Variants in SND1 observed in about 807,000 individuals in gnomAD.
The protein encoded by SND1 is staphylococcal nuclease and tudor domain containing 1, also known as staphylococcal nuclease domain-containing protein 1.
A neutral mutation model predicts 121.7 loss-of-function variants in SND1; 38 were observed. The ratio of observed to expected loss-of-function variants is 0.31; its 90% CI spans 0.24 to 0.41. The LOEUF is 0.41. Among genes scored for constraint, SND1 ranks in the 10% least tolerant of loss-of-function variants. SND1 has a pLI of 1.00. For missense variants in SND1, 868 were observed against 1,184.6 expected (o/e 0.73, Z 3.92); for synonymous variants, 401 against 447.4 (o/e 0.90, Z 1.31).
At chr7:127,832,991 A>G (rs1798790845) in intron 11 of SND1, among the ~76,000 whole-genome samples, 1 of 152,202 alleles carries the variant, frequency 6.6e-6, no homozygotes, top group Admixed American at 6.5e-5. Flanking sequence ...CCTCCCCACC[A>G]TCCATGTAAA....
Position 127,933,893 on chromosome 7 carries a change from C to T in SND1, c.1669+4564C>T, listed in dbSNP as rs571533640. Among the ~76,000 whole-genome samples, 7 of 152,330 alleles carry T rather than the reference C, an allele frequency of 4.6e-5. No individual in the cohort carries two copies. In the East Asian group the frequency reaches 1.2e-3, roughly 25 times the overall value. ...GAAGGAAGTCTCCTGGCTTTTCCCT[C>T]TGAGACTTTGGAGCAAGGAACTCTG... On this transcript the variant is annotated intron_variant, in intron 15 of 23. Transcript: ENST00000354725.
rs546700427 is a variant in SND1, at chr7:127,652,235, G to A, written c.-139G>A. 1.3e-5 allele frequency: 10 copies of A among 744,836 alleles called. No individual in the cohort carries two copies. Among genetic ancestry groups the A allele is most frequent in the South Asian group, 1.5e-5 (1 of 67,008 alleles). The allele number at this position is 744,836 out of a possible 1,614,324, so 46.1% of individuals were successfully genotyped here. ...CCCGCTGCTGCTCCTGTGAGCGCCC[G>A]GCGAGTCCGTCCCGTCCACCGTCCG... is the stretch of plus-strand genomic sequence containing the variant. On this transcript the variant is annotated 5_prime_UTR_variant, in exon 1 of 24. Transcript: ENST00000354725.
intron 16 of SND1, among the ~76,000 whole-genome samples, chr7:128,026,283 G>A (rs1250223470): frequency 6.6e-6 from 1 of 152,178 alleles, no homozygotes; most frequent in African/African-American, 2.4e-5. Flanking sequence ...GATCTTTGGT[G>A]CCTAGAACTG....
chr7:127,944,707 G>A (rs955069282), intron 15 of SND1, among the ~76,000 whole-genome samples: 1 of 152,202 alleles, frequency 6.6e-6, no homozygotes. Flanking sequence ...ATTGATTACT[G>A]TAGTGCCCTT....
At position 127,686,660 on chromosome 7, in the gene SND1, G is replaced by T; in HGVS notation, c.126G>T (p.Gly42=). The change falls in exon 2 of 24, where the codon GGG becomes GGT. Residue 42 remains glycine, a synonymous_variant. Coordinates refer to ENST00000354725, the MANE Select transcript of SND1 (RefSeq NM_014390.4). ...TTGTCCGAGGTCAGCCTCGTGGTGGGCCTCCTCCTGAGCGGCAGATCAACC... is the reference window on the plus strand; with the variant it reads ...TTGTCCGAGGTCAGCCTCGTGGTGGTCCTCCTCCTGAGCGGCAGATCAACC... The part of the protein sequence containing the change: ...AIIVRGQPRG[G]PPPERQINLS... The T allele has an allele frequency of 6.2e-7, 1 of 1,614,084 alleles. No homozygotes were observed. Among genetic ancestry groups the T allele is most frequent in the South Asian group, 1.1e-5 (1 of 91,082 alleles).
intron 13 of SND1, among the ~76,000 whole-genome samples, chr7:127,890,478 C>T (rs1204590753): frequency 6.6e-6 from 1 of 152,026 alleles, no homozygotes; most frequent in Admixed American, 6.6e-5. Context: ...CATATTCAGC[C>T]CAATCTGATG....
chr7:127,727,925 A>T (rs1421410533), intron 10 of SND1, among the ~76,000 whole-genome samples: 2 of 152,170 alleles, frequency 1.3e-5, no homozygotes, highest in Admixed American at 1.3e-4. Flanking sequence ...TAAGATTAAT[A>T]TCTGGGTACC....
At chr7:128,020,576 A>G (rs917710184) in intron 16 of SND1, among the ~76,000 whole-genome samples, 4 of 152,194 alleles carry the variant, frequency 2.6e-5, no homozygotes, top group African/African-American at 4.8e-5. Context: ...CCCTCTCCAT[A>G]TCCCGGAAGT....
At chr7:127,852,538 A>G (rs551234109) in intron 12 of SND1, among the ~76,000 whole-genome samples, 66 of 144,692 alleles carry the variant, frequency 4.6e-4, no homozygotes, top group Middle Eastern at 4.2e-3. Flanking sequence ...AGCTGGGTGC[A>G]GTGGCTCACG....
At chr7:128,037,517 G>T (rs1037207308) in intron 16 of SND1, among the ~76,000 whole-genome samples, 7 of 152,102 alleles carry the variant, frequency 4.6e-5, no homozygotes, top group African/African-American at 1.7e-4. Flanking sequence ...ATTTTTCTAG[G>T]GGCTCATTCA....
chr7:128,048,458 A>C (rs1792990834), intron 16 of SND1, among the ~76,000 whole-genome samples: 1 of 152,106 alleles, frequency 6.6e-6, no homozygotes, highest in Non-Finnish European at 1.5e-5. Context: ...CTCATGTATG[A>C]CGCCTCAATT....
chr7:128,030,080 G>A (rs1312137085), intron 16 of SND1: 1 of 1,613,664 alleles, frequency 6.2e-7, no homozygotes, highest in South Asian at 1.1e-5. Flanking sequence ...CTCCCTCAGA[G>A]ATATACTCCA....
At chr7:127,733,921 G>A (rs1796726021) in intron 10 of SND1, among the ~76,000 whole-genome samples, 1 of 152,034 alleles carries the variant, frequency 6.6e-6, no homozygotes, top group Non-Finnish European at 1.5e-5. Flanking sequence ...GGCCAGATCA[G>A]TTTTTCTTAA....
intron 10 of SND1, among the ~76,000 whole-genome samples, chr7:127,759,320 T>C (rs919596155): frequency 2.6e-5 from 4 of 152,232 alleles, no homozygotes; most frequent in African/African-American, 9.6e-5. Context: ...TTTATCAATA[T>C]GGACTCTTGG....
chr7:127,845,591 A>G (rs1563033277), intron 12 of SND1, among the ~76,000 whole-genome samples: 1 of 152,212 alleles, frequency 6.6e-6, no homozygotes, highest in Non-Finnish European at 1.5e-5. Flanking sequence ...ATTTGTTACC[A>G]CTTCTTAGGA....
chr7:127,958,960 C>T (rs971234657), intron 15 of SND1, among the ~76,000 whole-genome samples: 1 of 152,102 alleles, frequency 6.6e-6, no homozygotes, highest in Admixed American at 6.5e-5. Flanking sequence ...GATTGCTGCT[C>T]TTATTATGGT....
chr7:128,029,684 T>C lies in SND1; in HGVS notation c.1779+38628T>C. 1.2e-6 allele frequency: 2 copies of C among 1,613,692 alleles called. No homozygotes were observed. The highest frequency in any genetic ancestry group is 2.2e-5 in the South Asian group (2 of 91,068). ...GGCCACAGCAGGTGGAATTGGTGGG[T>C]ATATACTCTCGAAGCCACCAGGCTA... On this transcript the variant is annotated intron_variant, in intron 16 of 23. Coordinates refer to ENST00000354725, the MANE Select transcript of SND1 (RefSeq NM_014390.4). This position sits in a 1 kb window ranked among gnomAD's most constrained non-coding sequence, Gnocchi z 4.2.
intron 16 of SND1, among the ~76,000 whole-genome samples, chr7:128,025,134 G>A (rs1222117051): frequency 6.6e-6 from 1 of 152,216 alleles, no homozygotes; most frequent in Admixed American, 6.5e-5. Flanking sequence ...AGCACATGTG[G>A]AGCCCCTGTA....
At position 127,970,791 on chromosome 7, in the gene SND1, T is replaced by C. The variant is rs536048543; in HGVS notation, c.1670-20156T>C. 1.2e-4 allele frequency among the ~76,000 whole-genome samples: 18 copies of C among 152,224 alleles called. No individual in the cohort carries two copies. In the South Asian group the frequency reaches 3.7e-3, roughly 32 times the overall value. ...GTATATTAAATACATACATCTGCAA[T>C]GCCTTCACCTCAGCTGTTAATAAAA... On this transcript the variant is annotated intron_variant, in intron 15 of 23. Coordinates refer to ENST00000354725, the MANE Select transcript of SND1 (RefSeq NM_014390.4).
Sources: gnomAD v4.1 joint callset for allele counts (sites outside exome capture counted in the v4.1 genomes callset) on GRCh38, gnomAD v4.1.1 for gene constraint, Gnocchi (gnomAD v3.1) non-coding constraint, MANE v1.5 for transcripts, NCBI Gene and HGNC (gene_info 2026-07-23, HGNC 2026-07-21) for gene names.